The following C9orf57 variants were observed in gnomAD, a reference collection of about 807,000 sequenced individuals.
C9orf57 encodes the protein uncharacterized protein C9orf57.
C9orf57 carries 12 observed loss-of-function variants against 12.9 expected under a neutral mutation model. The observed-to-expected ratio is 0.93, with a 90% CI of 0.60 to 1.51. The LOEUF (loss-of-function observed/expected upper bound fraction) is 1.51, where lower values mean the gene tolerates loss of function less well. Ranked by LOEUF, C9orf57 falls within the 40% of genes most tolerant of loss-of-function variation. C9orf57 has a pLI of 0.00. For synonymous variants in C9orf57, 49 were observed against 57.1 expected, an observed-to-expected ratio of 0.86 and a Z score of 0.64; for missense variants, 141 against 162.8, an observed-to-expected ratio of 0.87 and a Z score of 0.73.
rs765898929 is a variant in C9orf57, at chr9:72,060,514, G to T, written c.-71C>A. On this transcript the variant is annotated 5_prime_UTR_variant, in exon 1 of 5. Coordinates refer to ENST00000651200, the MANE Select transcript of C9orf57 (RefSeq NM_001128618.2). Reference sequence around the variant, plus strand: ...TGACCTACCTATCTTTTTCATTAAGGTACTATGGAAATTTTCCTGGGTCTG... The same window carrying T: ...TGACCTACCTATCTTTTTCATTAAGTTACTATGGAAATTTTCCTGGGTCTG... 7 of 1,515,536 alleles carry T rather than the reference G, an allele frequency of 4.6e-6. No individual in the cohort carries two copies. The highest frequency in any genetic ancestry group is 6.3e-6 in the Non-Finnish European group (7 of 1,114,618). 93.9% of individuals were successfully genotyped at this position (1,515,536 alleles called of 1,614,324 possible).
rs540244246 is a variant in C9orf57 at position 72,055,895 on chromosome 9, C to T, written c.280+179G>A. ...AATTACTTAATCGTTCGTGTCTCAG[C>T]TATCTCATCTTTAAAATGGGGATAG... On this transcript the variant is annotated intron_variant, in intron 4 of 4. Coordinates refer to ENST00000651200, the MANE Select transcript of C9orf57 (RefSeq NM_001128618.2). Among the ~76,000 whole-genome samples the T allele has an allele frequency of 2.4e-3, 371 of 152,246 alleles. 4 individuals carry two copies. The highest frequency in any genetic ancestry group is 5.0e-4 in the Non-Finnish European group (34 of 68,028).
rs1824313203 is a variant in C9orf57 at position 72,060,484 on chromosome 9, GT to G, written c.-54+12del. 1 of 1,273,020 alleles carries G rather than the reference GT, an allele frequency of 7.9e-7. No individual in the cohort carries two copies. 78.9% of individuals were successfully genotyped at this position (1,273,020 alleles called of 1,614,324 possible). On this transcript the variant is annotated intron_variant, in intron 1 of 4. Transcript: ENST00000651200. ...TTGGGTAAAGTATAATATTTCAGTT[GT>G]TCATGACCTACCTATCTTTTTCATT...
chr9:72,056,865 G>A (rs1448585408), intron 2 of C9orf57, 22 bp from the exon 3 acceptor site: 3 of 1,545,134 alleles, frequency 1.9e-6, no homozygotes, highest in South Asian at 1.2e-5. Flanking sequence ...CCATGGAAGG[G>A]GATTGAAAGA....
At chr9:72,054,851 A>C (rs1824156338) in intron 4 of C9orf57, among the ~76,000 whole-genome samples, 1 of 150,416 alleles carries the variant, frequency 6.6e-6, no homozygotes, top group African/African-American at 2.4e-5. Context: ...ACATTTTATA[A>C]ATGTTAAACT....
At chr9:72,054,967 T>C (rs1824160450) in intron 4 of C9orf57, among the ~76,000 whole-genome samples, 1 of 137,308 alleles carries the variant, frequency 7.3e-6, no homozygotes, top group African/African-American at 2.7e-5. Flanking sequence ...TCACCGAGGC[T>C]GCAGTGCAGT....
At chr9:72,060,220 T>A (rs995167997) in intron 1 of C9orf57, among the ~76,000 whole-genome samples, 1 of 152,124 alleles carries the variant, frequency 6.6e-6, no homozygotes, top group Non-Finnish European at 1.5e-5. Context: ...CTAATTTTTG[T>A]ATTTTTAGTA....
chr9:72,054,241 G>A (rs778493795), intron 4 of C9orf57, among the ~76,000 whole-genome samples: 1 of 152,236 alleles, frequency 6.6e-6, no homozygotes, highest in Admixed American at 6.5e-5. Context: ...CAGGTGATCT[G>A]CCTGCCTTGG....
At chr9:72,059,183 A>T in intron 2 of C9orf57, 52 bp downstream of exon 2, 1 of 1,548,670 alleles carries the variant, frequency 6.5e-7, no homozygotes. Flanking sequence ...TCGGCCCTAC[A>T]ATTTCTTAAT....
At chr9:72,057,527 A>C (rs1436057862) in intron 2 of C9orf57, among the ~76,000 whole-genome samples, 1 of 152,124 alleles carries the variant, frequency 6.6e-6, no homozygotes, top group East Asian at 1.9e-4. Flanking sequence ...CACCAGGCTA[A>C]AATTATTTTT....
intron 1 of C9orf57, 130 bp from the exon 2 acceptor site, chr9:72,059,514 T>G: frequency 1.2e-5 from 13 of 1,118,734 alleles, no homozygotes; most frequent in Non-Finnish European, 1.4e-5. Context: ...ATAAGGTACC[T>G]GTCTTTATAA....
At chr9:72,053,582 T>C (rs1225881054) in intron 4 of C9orf57, among the ~76,000 whole-genome samples, 1 of 152,120 alleles carries the variant, frequency 6.6e-6, no homozygotes, top group African/African-American at 2.4e-5. Flanking sequence ...TCTGGATATG[T>C]TTCCCATTCC....
intron 2 of C9orf57, among the ~76,000 whole-genome samples, chr9:72,059,026 C>T (rs1432631418): frequency 6.6e-6 from 1 of 152,064 alleles, no homozygotes; most frequent in South Asian, 2.1e-4. Flanking sequence ...TACAGGCATG[C>T]ACCACCACGC....
chr9:72,059,372 G>T lies in C9orf57; in HGVS notation c.-41C>A. 6.4e-7 allele frequency: 1 copy of T among 1,551,782 alleles called. No individual in the cohort carries two copies. The highest frequency in any genetic ancestry group is 8.7e-7 in the Non-Finnish European group (1 of 1,147,022). ...GAAAAGGAGATGAAAGGAAAGACAC[G>T]TCCCACTGATTTCTGGGGAAGCAAT... On this transcript the variant is annotated 5_prime_UTR_variant, in exon 2 of 5. Transcript: ENST00000651200.
At chr9:72,053,274 A>G (rs940208367) in intron 4 of C9orf57, among the ~76,000 whole-genome samples, 2 of 152,196 alleles carry the variant, frequency 1.3e-5, no homozygotes, top group Non-Finnish European at 1.5e-5. Flanking sequence ...CAAAATGTCA[A>G]TAGTGCAAAA....
rs745627625 is a variant in C9orf57 at position 72,060,468 on chromosome 9, G to A, written c.-54+29C>T. On this transcript the variant is annotated intron_variant, in intron 1 of 4. Coordinates refer to ENST00000651200, the MANE Select transcript of C9orf57 (RefSeq NM_001128618.2). Reference sequence around the variant, plus strand: ...GGAAGAAATTGTAAGATTGGGTAAAGTATAATATTTCAGTTGTTCATGACC... The same window carrying A: ...GGAAGAAATTGTAAGATTGGGTAAAATATAATATTTCAGTTGTTCATGACC... 6.0e-5 allele frequency: 65 copies of A among 1,089,350 alleles called. 1 individual carries two copies. The South Asian group carries it at 8.0e-4, about 13-fold the overall frequency. The allele number at this position is 1,089,350 out of a possible 1,614,324, so 67.5% of individuals were successfully genotyped here. A position where few individuals can be genotyped will look rare whatever the true frequency, so the allele number is the denominator to read the frequency against.
At chr9:72,054,553 AT>A (rs1008062038) in intron 4 of C9orf57, among the ~76,000 whole-genome samples, 8 of 152,050 alleles carry the variant, frequency 5.3e-5, no homozygotes, top group African/African-American at 1.9e-4. Context: ...TAAAACTTTT[AT>A]GTTTTTTACC....
chr9:72,054,843 A>G lies in C9orf57; in HGVS notation c.280+1231T>C, dbSNP rs76858628. On this transcript the variant is annotated intron_variant, in intron 4 of 4. Coordinates refer to ENST00000651200, the MANE Select transcript of C9orf57 (RefSeq NM_001128618.2). ...CTTTTACATTTTGGAATTATCACAC[A>G]TTTTATAAATGTTAAACTCTTCATA... 3.8e-3 allele frequency among the ~76,000 whole-genome samples: 566 copies of G among 149,124 alleles called. 8 individuals are homozygous for G. The East Asian group carries it at 0.045, about 12-fold the overall frequency.
chr9:72,056,878 G>T (rs1472932768), intron 2 of C9orf57, 35 bp from the exon 3 acceptor site: 2 of 1,510,542 alleles, frequency 1.3e-6, no homozygotes, highest in Admixed American at 2.0e-5. Flanking sequence ...TTGAAAGATT[G>T]CATGCTCTGC....
intron 2 of C9orf57, among the ~76,000 whole-genome samples, chr9:72,058,239 C>T (rs1008430605): frequency 3.3e-5 from 5 of 152,140 alleles, no homozygotes; most frequent in Non-Finnish European, 7.3e-5. Flanking sequence ...CATCTCACTG[C>T]AACCTCTGCC....
Sources: allele counts gnomAD v4.1 joint callset (sites outside exome capture counted in the v4.1 genomes callset), GRCh38; gene constraint gnomAD v4.1.1; transcripts MANE v1.5; gene names NCBI Gene and HGNC (gene_info 2026-07-23, HGNC 2026-07-21).